The following UBE2E2 variants were observed in gnomAD, a reference collection of about 807,000 sequenced individuals.
UBE2E2 encodes ubiquitin-conjugating enzyme E2 E2.
A neutral mutation model predicts 24.7 loss-of-function variants in UBE2E2; 6 were observed. The observed-to-expected ratio is 0.24, with a 90% CI of 0.13 to 0.48. The LOEUF (loss-of-function observed/expected upper bound fraction) is 0.48. UBE2E2 is among the 20% of genes least tolerant of loss of function. The probability of loss-of-function intolerance (pLI) is 0.99; values close to 1 mark genes in which losing one functional copy is unlikely to be tolerated. For missense variants in UBE2E2, 169 were observed against 245.0 expected (o/e 0.69, Z 2.07); for synonymous variants, 104 against 83.6 (o/e 1.24, Z -1.33).
chr3:23,435,947 T>A (rs1018636170), intron 3 of UBE2E2, among the ~76,000 whole-genome samples: 3 of 151,998 alleles, frequency 2.0e-5, no homozygotes, highest in African/African-American at 7.3e-5. Flanking sequence ...CTGCCTCAGA[T>A]CATCAAGCGT....
intron 3 of UBE2E2, among the ~76,000 whole-genome samples, chr3:23,498,399 G>C (rs1699651987): frequency 1.3e-5 from 2 of 152,158 alleles, no homozygotes; most frequent in Non-Finnish European, 2.9e-5. Flanking sequence ...GTGTGGAAAA[G>C]TTTGAGGAAT....
chr3:23,585,894 T>A (rs1696614695), intron 5 of UBE2E2, among the ~76,000 whole-genome samples: 1 of 144,440 alleles, frequency 6.9e-6, no homozygotes, highest in Non-Finnish European at 1.5e-5. Context: ...AATTATTTGG[T>A]TGATAACATG....
At chr3:23,288,848 G>C (rs1559334378) in intron 3 of UBE2E2, among the ~76,000 whole-genome samples, 1 of 152,042 alleles carries the variant, frequency 6.6e-6, no homozygotes, top group Non-Finnish European at 1.5e-5. Flanking sequence ...GTATGAATAG[G>C]AAGTAGCATA....
intron 3 of UBE2E2, among the ~76,000 whole-genome samples, chr3:23,296,551 A>G (rs990282422): frequency 6.6e-6 from 1 of 152,140 alleles, no homozygotes; most frequent in African/African-American, 2.4e-5. Flanking sequence ...AACTGAGAAC[A>G]TGCGGTGTTT....
intron 4 of UBE2E2, among the ~76,000 whole-genome samples, chr3:23,504,790 C>T (rs1459805469): frequency 6.6e-6 from 1 of 151,890 alleles, no homozygotes; most frequent in Non-Finnish European, 1.5e-5. Flanking sequence ...ATAAAATTAA[C>T]AAGGATGCTT....
chr3:23,415,205 A>C (rs1304850026), intron 3 of UBE2E2, among the ~76,000 whole-genome samples: 1 of 152,208 alleles, frequency 6.6e-6, no homozygotes, highest in African/African-American at 2.4e-5. Flanking sequence ...GCAGGTAAAG[A>C]TATTAGATGC....
At chr3:23,241,211 A>G (rs1197233090) in intron 3 of UBE2E2, among the ~76,000 whole-genome samples, 2 of 152,052 alleles carry the variant, frequency 1.3e-5, no homozygotes, top group Non-Finnish European at 2.9e-5. Context: ...TTTTTGTCCT[A>G]CCTTCAGAAT....
intron 3 of UBE2E2, among the ~76,000 whole-genome samples, chr3:23,312,822 A>T (rs1009290583): frequency 6.6e-6 from 1 of 152,010 alleles, no homozygotes; most frequent in Non-Finnish European, 1.5e-5. Flanking sequence ...GAAAGTTTTC[A>T]ATTTTCTTCT....
intron 3 of UBE2E2, among the ~76,000 whole-genome samples, chr3:23,443,768 A>G (rs1043908682): frequency 1.3e-5 from 2 of 152,190 alleles, no homozygotes; most frequent in South Asian, 4.2e-4. Flanking sequence ...CCAGTATAAT[A>G]CACCCCTTTA....
intron 3 of UBE2E2, among the ~76,000 whole-genome samples, chr3:23,406,114 T>A (rs1697351386): frequency 6.6e-6 from 1 of 152,260 alleles, no homozygotes; most frequent in Non-Finnish European, 1.5e-5. Flanking sequence ...CTTGTAGTTT[T>A]ACATTGACTG....
chr3:23,566,909 G>C (rs1696087589), intron 5 of UBE2E2, among the ~76,000 whole-genome samples: 1 of 152,168 alleles, frequency 6.6e-6, no homozygotes, highest in African/African-American at 2.4e-5. Context: ...AAGGCCAAGA[G>C]ATATCTGGGA....
intron 1 of UBE2E2, among the ~76,000 whole-genome samples, 151 bp downstream of exon 1, chr3:23,203,615 C>G (rs536540321): frequency 2.3e-4 from 34 of 150,158 alleles, no homozygotes; most frequent in Non-Finnish European, 4.4e-4. Flanking sequence ...TCCCCGTGCC[C>G]GGTTCCCTAC....
rs565934953 is a variant in UBE2E2, at chr3:23,533,261, C to T, written c.508+560C>T. Among the ~76,000 whole-genome samples the T allele has an allele frequency of 2.6e-5, 4 of 152,278 alleles. No homozygotes were observed. The South Asian group carries it at 6.2e-4, about 24-fold the overall frequency. On this transcript the variant is annotated intron_variant, in intron 5 of 5. Transcript: ENST00000396703. The stretch of plus-strand genomic sequence containing the variant: ...TCTATAGCCAGGCCTTTATGGCTTG[C>T]TGGTGTGCTTACCACTGAAAATTCT...
chr3:23,334,478 A>T (rs889395066), intron 3 of UBE2E2, among the ~76,000 whole-genome samples: 8 of 152,214 alleles, frequency 5.3e-5, no homozygotes, highest in South Asian at 2.1e-4. Context: ...AGTGTACAAA[A>T]AGAGGCTAGT....
chr3:23,356,794 A>G (rs1039439038), intron 3 of UBE2E2, among the ~76,000 whole-genome samples: 1 of 152,198 alleles, frequency 6.6e-6, no homozygotes, highest in African/African-American at 2.4e-5. Context: ...CAACATCAAA[A>G]TTTCAGTTAT....
chr3:23,352,129 G>C (rs1695773997), intron 3 of UBE2E2, among the ~76,000 whole-genome samples: 1 of 152,130 alleles, frequency 6.6e-6, no homozygotes, highest in African/African-American at 2.4e-5. Flanking sequence ...GCTCCTGAAT[G>C]ACTACTGGGT....
At chr3:23,405,626 G>A (rs947942820) in intron 3 of UBE2E2, among the ~76,000 whole-genome samples, 7 of 152,238 alleles carry the variant, frequency 4.6e-5, no homozygotes, top group East Asian at 1.9e-4. Context: ...GAGGTGTCCA[G>A]GCTTTTGACT....
At chr3:23,431,817 T>C (rs142905679) in intron 3 of UBE2E2, among the ~76,000 whole-genome samples, 247 of 152,280 alleles carry the variant, frequency 1.6e-3, no homozygotes, top group African/African-American at 5.7e-3. Context: ...TTTGTGAAAA[T>C]AGGGCCTTAA....
intron 3 of UBE2E2, among the ~76,000 whole-genome samples, chr3:23,288,993 T>C (rs1698690516): frequency 6.6e-6 from 1 of 152,212 alleles, no homozygotes; most frequent in Admixed American, 6.5e-5. Flanking sequence ...GTGACTCTTT[T>C]AGCAATATGA....
Sources: allele counts gnomAD v4.1 joint callset (sites outside exome capture counted in the v4.1 genomes callset), GRCh38; gene constraint gnomAD v4.1.1; transcripts MANE v1.5; gene names NCBI Gene and HGNC (gene_info 2026-07-23, HGNC 2026-07-21).